RBMS3: variants seen among roughly 807,000 people sequenced by gnomAD.
RBMS3 encodes the protein RNA binding motif single stranded interacting protein 3.
A neutral mutation model predicts 66.8 loss-of-function variants in RBMS3; 27 were observed. The observed-to-expected ratio is 0.40, with a 90% confidence interval of 0.30 to 0.56. The LOEUF is 0.56. RBMS3 is among the 20% of genes least tolerant of loss of function. The probability of loss-of-function intolerance (pLI) is 0.40; values close to 1 mark genes in which losing one functional copy is unlikely to be tolerated. For missense variants in RBMS3, 513 were observed against 549.5 expected (o/e 0.93, Z 0.66); for synonymous variants, 188 against 183.0 (o/e 1.03, Z -0.22).
intron 5 of RBMS3, among the ~76,000 whole-genome samples, chr3:29,748,930 T>C (rs2055053465): frequency 1.3e-5 from 2 of 152,184 alleles, no homozygotes; most frequent in African/African-American, 4.8e-5. Flanking sequence ...TAAAGCTGAA[T>C]TGGAATGGTA....
At chr3:29,379,038 A>G (rs1296309825) in intron 1 of RBMS3, among the ~76,000 whole-genome samples, 6 of 152,110 alleles carry the variant, frequency 3.9e-5, no homozygotes, top group East Asian at 1.9e-4. Flanking sequence ...TTTGAGGTCA[A>G]TCTCTGGATC....
intron 12 of RBMS3, among the ~76,000 whole-genome samples, chr3:29,984,378 G>A (rs1474350556): frequency 4.0e-5 from 6 of 151,736 alleles, no homozygotes; most frequent in African/African-American, 1.5e-4. Context: ...GCTCAGAGGA[G>A]TTTGCTATTA....
At position 30,002,867 on chromosome 3, in the gene RBMS3, C is replaced by G. The variant is rs116570716; in HGVS notation, c.1308-989C>G. On this transcript the variant is annotated intron_variant, in intron 14 of 14. Coordinates refer to ENST00000383767, the MANE Select transcript of RBMS3 (RefSeq NM_001003793.3). ...TTACAGCTTTCCTGCAGGGTACATACCTTGGGGAGCAGACGATGGGCTGAA... is the reference window on the plus strand; with the variant it reads ...TTACAGCTTTCCTGCAGGGTACATAGCTTGGGGAGCAGACGATGGGCTGAA... Among the ~76,000 whole-genome samples, 728 of 152,066 alleles carry G rather than the reference C, an allele frequency of 4.8e-3. 2 individuals are homozygous for G. The highest frequency in any genetic ancestry group is 0.017 in the African/African-American group (695 of 41,508).
chr3:29,993,304 T>C (rs1699002098), intron 14 of RBMS3, among the ~76,000 whole-genome samples: 1 of 148,218 alleles, frequency 6.7e-6, no homozygotes. Flanking sequence ...CATATTGAAA[T>C]TTTTTTTCAG....
At chr3:29,585,592 A>G (rs964798094) in intron 3 of RBMS3, among the ~76,000 whole-genome samples, 3 of 152,130 alleles carry the variant, frequency 2.0e-5, no homozygotes, top group South Asian at 2.1e-4. Flanking sequence ...CCAAGTGCCA[A>G]TGTGTCAACT....
At chr3:29,330,148 C>A (rs4680821) in intron 1 of RBMS3, among the ~76,000 whole-genome samples, 58,606 of 151,684 alleles carry the variant, frequency 0.39, 12,239 homozygotes, top group East Asian at 0.57. Context: ...CAAAACAGAT[C>A]TAACACTTGC....
intron 10 of RBMS3, among the ~76,000 whole-genome samples, chr3:29,932,262 A>T (rs1168316817): frequency 6.6e-6 from 1 of 152,196 alleles, no homozygotes; most frequent in Non-Finnish European, 1.5e-5. Context: ...AACAAGATAT[A>T]ATGTGATTAT....
intron 6 of RBMS3, among the ~76,000 whole-genome samples, chr3:29,845,166 A>G (rs1209839540): frequency 1.3e-5 from 2 of 152,238 alleles, no homozygotes; most frequent in Non-Finnish European, 2.9e-5. Context: ...TACAACATCT[A>G]AAATGCTTAG....
chr3:29,327,341 G>T (rs1236131377), intron 1 of RBMS3, among the ~76,000 whole-genome samples: 1 of 152,088 alleles, frequency 6.6e-6, no homozygotes, highest in Non-Finnish European at 1.5e-5. Flanking sequence ...AAAAAATCGT[G>T]ATTGTTCCTG....
chr3:29,340,523 T>C (rs1382121264), intron 1 of RBMS3, among the ~76,000 whole-genome samples: 2 of 152,174 alleles, frequency 1.3e-5, no homozygotes, highest in African/African-American at 4.8e-5. Context: ...AATCTCAAAA[T>C]CATATGTGTT....
intron 4 of RBMS3, among the ~76,000 whole-genome samples, chr3:29,611,981 C>T (rs1026641254): frequency 6.6e-6 from 1 of 151,938 alleles, no homozygotes; most frequent in African/African-American, 2.4e-5. Context: ...AGTCTAATTC[C>T]TGGGTCTCAC....
At chr3:29,497,232 A>C (rs1043499454) in intron 3 of RBMS3, among the ~76,000 whole-genome samples, 57 of 152,024 alleles carry the variant, frequency 3.7e-4, no homozygotes, top group Non-Finnish European at 7.5e-4. Flanking sequence ...GATGGTGTTG[A>C]TGTCCTGACA....
intron 14 of RBMS3, among the ~76,000 whole-genome samples, chr3:30,001,790 TTTA>T (rs1397588821): frequency 6.6e-6 from 1 of 151,234 alleles, no homozygotes; most frequent in East Asian, 1.9e-4. Context: ...TATTTCTTAT[TTTA>T]TTATTTATTT....
At chr3:29,555,630 C>A (rs2046332478) in intron 3 of RBMS3, among the ~76,000 whole-genome samples, 2 of 152,060 alleles carry the variant, frequency 1.3e-5, no homozygotes, top group Admixed American at 6.6e-5. Flanking sequence ...CTCAAGAAAT[C>A]AGAATGTTTA....
At chr3:29,724,171 T>C (rs1444416404) in intron 4 of RBMS3, among the ~76,000 whole-genome samples, 1 of 152,290 alleles carries the variant, frequency 6.6e-6, no homozygotes, top group Non-Finnish European at 1.5e-5. Flanking sequence ...TCATTATCAA[T>C]TTAATATGCC....
chr3:29,970,188 A>G (rs1467408485), intron 12 of RBMS3, among the ~76,000 whole-genome samples: 1 of 152,170 alleles, frequency 6.6e-6, no homozygotes, highest in Non-Finnish European at 1.5e-5. Context: ...CATTTTTGGG[A>G]AAAACTGTCC....
chr3:30,007,282 G>A lies in RBMS3; in HGVS notation c.*3420G>A, dbSNP rs1457041128. On this transcript the variant is annotated 3_prime_UTR_variant, in exon 15 of 15. Coordinates refer to ENST00000383767, the MANE Select transcript of RBMS3 (RefSeq NM_001003793.3). ...TGTTTGTTTGTTTGTTTGAGACGGA[G>A]TCTCGCTCTGTCGCCCATCCTAACT... 6.6e-6 allele frequency: 1 copy of A among 151,990 alleles called. No individual in the cohort carries two copies. Among genetic ancestry groups the A allele is most frequent in the African/African-American group, 2.4e-5 (1 of 41,406 alleles). The allele number at this position is 151,990 out of a possible 1,614,324, so 9.4% of individuals were successfully genotyped here. A position where few individuals can be genotyped will look rare whatever the true frequency, so the allele number is the denominator to read the frequency against.
Position 29,461,170 on chromosome 3 carries a change from G to A in RBMS3, c.248+26255G>A, listed in dbSNP as rs554920434. ...TTCTCCTCTTCTTCCTTTCTTGTGC[G>A]CTTCATTTTATCTTAGAATCATCCA... On this transcript the variant is annotated intron_variant, in intron 2 of 14. Transcript: ENST00000383767. Among the ~76,000 whole-genome samples the A allele has an allele frequency of 7.2e-5, 11 of 151,852 alleles. No homozygotes were observed. In the South Asian group the frequency reaches 8.3e-4, roughly 12 times the overall value.
chr3:29,651,140 C>T (rs1009043952), intron 4 of RBMS3, among the ~76,000 whole-genome samples: 2 of 152,130 alleles, frequency 1.3e-5, no homozygotes, highest in African/African-American at 4.8e-5. Context: ...TTCAGATCAA[C>T]AACAAATGCT....
Sources: allele counts gnomAD v4.1 joint callset (sites outside exome capture counted in the v4.1 genomes callset), GRCh38; gene constraint gnomAD v4.1.1; transcripts MANE v1.5; gene names NCBI Gene and HGNC (gene_info 2026-07-23, HGNC 2026-07-21).